Variants in PLA2G4B observed in about 807,000 individuals in gnomAD.
The protein encoded by PLA2G4B is cytosolic phospholipase A2 beta.
PLA2G4B carries 122 observed loss-of-function variants against 95.8 expected under a neutral mutation model. That is an observed-to-expected ratio of 1.27 (90% CI 1.10 to 1.48). The LOEUF is 1.48. PLA2G4B is among the 40% of genes most tolerant of loss of function. The pLI, the probability that PLA2G4B is intolerant of heterozygous loss-of-function variation, is 0.00. For missense variants in PLA2G4B, 1,158 were observed against 996.2 expected, an observed-to-expected ratio of 1.16 and a Z score of -2.19; for synonymous variants, 518 against 421.5, an observed-to-expected ratio of 1.23 and a Z score of -2.80.
intron 16 of PLA2G4B, 57 bp downstream of exon 16, chr15:41,846,104 C>T (rs2065537740): frequency 7.6e-6 from 12 of 1,572,818 alleles, no homozygotes; most frequent in Non-Finnish European, 1.0e-5. Flanking sequence ...GGGGCTGCAC[C>T]AGGGGGCGGG....
Position 41,846,312 on chromosome 15 carries a change from A to G in PLA2G4B, c.1710A>G (p.Thr570=), listed in dbSNP as rs1422601818. ...LLTWRPLAQA[T]HNFLRGLHFH... The stretch of plus-strand genomic sequence containing the variant: ...CGTGGCGTCCACTGGCCCAGGCCAC[A>G]CATAATTTCCTGCGTGGCCTCCATT... Residue 570 remains threonine, a synonymous_variant, in exon 17 of 20, where the codon ACA becomes ACG. Coordinates refer to ENST00000458483, the MANE Select transcript of PLA2G4B (RefSeq NM_001114633.2). The G allele has an allele frequency of 9.3e-6, 15 of 1,613,296 alleles. No homozygotes were observed. The highest frequency in any genetic ancestry group is 2.2e-5 in the East Asian group (1 of 44,862).
Position 41,842,236 on chromosome 15 carries a change from C to T in PLA2G4B, c.665C>T (p.Pro222Leu), listed in dbSNP as rs552909339. 2.3e-5 allele frequency: 37 copies of T among 1,614,116 alleles called. No individual in the cohort carries two copies. The South Asian group carries it at 3.4e-4, about 15-fold the overall frequency. Residue 222 changes from proline to leucine, a missense_variant, in exon 9 of 20, where the codon CCC (proline) becomes CTC (leucine). Pro to Leu is a moderately conservative substitution (Grantham distance 98). Transcript: ENST00000458483. ...EQLKAPLSAL[P>L]SGQVVRLVFP... ...CTAAAGGCGCCACTGAGTGCCCTGC[C>T]CTCTGGTCAAGTGGTGAGGCTTGTC...
chr15:41,844,233 A>G (rs1460802432), intron 11 of PLA2G4B, among the ~76,000 whole-genome samples: 1 of 152,136 alleles, frequency 6.6e-6, no homozygotes, highest in Non-Finnish European at 1.5e-5. Context: ...GCTGAGGGCA[A>G]GGAGATGAGG....
chr15:41,843,895 G>T, intron 11 of PLA2G4B, 84 bp downstream of exon 11: 1 of 1,538,808 alleles, frequency 6.5e-7, no homozygotes. Context: ...GCTTGTCCCC[G>T]ATCTAGACCA....
intron 17 of PLA2G4B, 75 bp downstream of exon 17, chr15:41,846,457 C>T (rs1443931765): frequency 3.9e-6 from 6 of 1,543,680 alleles, no homozygotes; most frequent in East Asian, 2.3e-5. Context: ...CCTCACAGTC[C>T]ACTCCCATTC....
chr15:41,840,307 G>T, intron 2 of PLA2G4B, 77 bp downstream of exon 2: 1 of 1,595,066 alleles, frequency 6.3e-7, no homozygotes. Context: ...GCTGTGGCTG[G>T]ATTTGGTGGA....
intron 1 of PLA2G4B, chr15:41,839,785 A>G (rs1445498888): frequency 8.6e-6 from 2 of 233,750 alleles, no homozygotes; most frequent in Admixed American, 1.1e-4. Context: ...GTGAGGCATA[A>G]ATCTGGAGCC....
At chr15:41,845,455 C>CT in intron 14 of PLA2G4B, 135 bp downstream of exon 14, 1 of 1,448,192 alleles carries the variant, frequency 6.9e-7, no homozygotes, top group Non-Finnish European at 9.3e-7. Flanking sequence ...GACCGGCACC[C>CT]TACCAGGGTC....
At chr15:41,840,747 C>T (rs1204291537) in intron 3 of PLA2G4B, 27 bp from the exon 4 acceptor site, 2 of 1,611,038 alleles carry the variant, frequency 1.2e-6, no homozygotes, top group Non-Finnish European at 8.5e-7. Context: ...CTCCCTCCTG[C>T]AGCCCTGTCA....
intron 18 of PLA2G4B, 46 bp downstream of exon 18, chr15:41,846,881 T>A: frequency 6.4e-7 from 1 of 1,570,214 alleles, no homozygotes; most frequent in Non-Finnish European, 8.7e-7. Context: ...GGGTGGCCCC[T>A]GTCCCCTGAA....
At position 41,843,695 on chromosome 15, in the gene PLA2G4B, C is replaced by T. The variant is rs199962342; in HGVS notation, c.763C>T (p.Arg255Ter). The change falls in exon 11 of 20, where the codon CGA (arginine) becomes TGA (stop). Residue 255 changes from arginine to a stop codon, truncating the protein, a stop_gained. Coordinates refer to ENST00000458483, the MANE Select transcript of PLA2G4B (RefSeq NM_001114633.2). LOFTEE classifies it high-confidence loss of function. ...GGCCAGACTGAGGGAGCTGGCCGTG[C>T]GACTGGGCTTCGGGCCCTGTGCAGA... ...KEAGLRELAV[R>*]LGFGPCAEEQ... 4.0e-4 allele frequency: 639 copies of T among 1,613,566 alleles called. 1 individual carries two copies. Among genetic ancestry groups the T allele is most frequent in the Non-Finnish European group, 4.6e-4 (548 of 1,179,748 alleles).
chr15:41,846,254 G>A lies in PLA2G4B; in HGVS notation c.1652G>A (p.Gly551Asp), dbSNP rs1412569529. The A allele has an allele frequency of 1.9e-6, 3 of 1,613,940 alleles. No homozygotes were observed. The Admixed American group carries it at 5.0e-5, about 27-fold the overall frequency. ...ATAGAAGAACCACCCTCAACAGCCG[G>A]CAGGATAGCTGAGTTTTTCACCGAT... is the stretch of plus-strand genomic sequence containing the variant. ...LKIEEPPSTA[G>D]RIAEFFTDLL... Residue 551 changes from glycine (G) to aspartate (D), a missense_variant, in exon 17 of 20, where the codon GGC becomes GAC. Gly to Asp is a moderately conservative substitution (Grantham distance 94). Transcript: ENST00000458483.
At chr15:41,845,400 G>C in intron 14 of PLA2G4B, 80 bp downstream of exon 14, 1 of 1,532,580 alleles carries the variant, frequency 6.5e-7, no homozygotes, top group Non-Finnish European at 8.9e-7. Flanking sequence ...GCAGATTGCA[G>C]ATGTCACACC....
rs201879452 is a variant in PLA2G4B, at chr15:41,843,774, A to G, written c.842A>G (p.Gln281Arg). ...CAGGTGGTGGCCGCGGCCTTGAGGC[A>G]GGCCCTGCAGCTGGACGGAGACCTG... ...RKQVVAAALR[Q>R]ALQLDGDLQE... Residue 281 changes from glutamine to arginine, a missense_variant, in exon 11 of 20, where the codon CAG becomes CGG. Transcript: ENST00000458483. 251 of 1,613,872 alleles carry G rather than the reference A, an allele frequency of 1.6e-4. No homozygotes were observed. The Middle Eastern group carries it at 2.6e-3, about 17-fold the overall frequency.
chr15:41,845,847 C>T (rs893913651), intron 15 of PLA2G4B, 72 bp downstream of exon 15: 23 of 1,529,226 alleles, frequency 1.5e-5, no homozygotes, highest in Middle Eastern at 1.8e-4. Context: ...AGGGCAGCCT[C>T]GGTCAGAAGA....
chr15:41,842,039 C>T, intron 8 of PLA2G4B, 90 bp downstream of exon 8: 1 of 1,559,406 alleles, frequency 6.4e-7, no homozygotes, highest in South Asian at 1.2e-5. Context: ...CTCCACCTGG[C>T]AGAGTGGGCA....
At position 41,846,023 on chromosome 15, in the gene PLA2G4B, T is replaced by G; in HGVS notation, c.1576T>G (p.Trp526Gly). 6.5e-7 allele frequency: 1 copy of G among 1,543,794 alleles called. No individual in the cohort carries two copies. Among genetic ancestry groups the G allele is most frequent in the Non-Finnish European group, 8.7e-7 (1 of 1,145,132 alleles). ...ASEPSQFWDR[W>G]VRNQANLDKE... The stretch of plus-strand genomic sequence containing the variant: ...AGAGCCCAGCCAGTTCTGGGACCGC[T>G]GGGTCAGGAACCAGGCCAACCTGGG... The change falls in exon 16 of 20, where the codon TGG (tryptophan) becomes GGG (glycine). Residue 526 changes from tryptophan to glycine, a missense_variant. Trp to Gly is a radical substitution (Grantham distance 184). Coordinates refer to ENST00000458483, the MANE Select transcript of PLA2G4B (RefSeq NM_001114633.2).
chr15:41,845,156 G>A (rs2065514665), intron 13 of PLA2G4B, 47 bp from the exon 14 acceptor site: 3 of 1,612,314 alleles, frequency 1.9e-6, no homozygotes, highest in Non-Finnish European at 2.5e-6. Flanking sequence ...GAAAGGCCCT[G>A]GGCACCCAGG....
chr15:41,840,878 G>A lies in PLA2G4B; in HGVS notation c.324G>A (p.Arg108=). 6.2e-7 allele frequency: 1 copy of A among 1,613,728 alleles called. No individual in the cohort carries two copies. Residue 108 remains arginine (R), a synonymous_variant, in exon 4 of 20, where the codon CGG becomes CGA. Coordinates refer to ENST00000458483, the MANE Select transcript of PLA2G4B (RefSeq NM_001114633.2). ...GGACTCTGCGGGCTGGGGAGTTCCG[G>A]CGCGAGAGCTTCTCACTGAGCCCTC... ...DAGTLRAGEF[R]RESFSLSPQG...
Sources: gnomAD v4.1 joint callset for allele counts (sites outside exome capture counted in the v4.1 genomes callset) on GRCh38, gnomAD v4.1.1 for gene constraint, MANE v1.5 for transcripts, NCBI Gene and HGNC (gene_info 2026-07-23, HGNC 2026-07-21) for gene names.